PGR: variants seen among roughly 807,000 people sequenced by gnomAD.
The protein encoded by PGR is nuclear receptor subfamily 3 group C member 3.
A neutral mutation model predicts 76.1 loss-of-function variants in PGR; 25 were observed. The observed-to-expected ratio is 0.33, with a 90% CI of 0.24 to 0.46. The LOEUF (loss-of-function observed/expected upper bound fraction) is 0.46. Among genes scored for constraint, PGR ranks in the 20% least tolerant of loss-of-function variants. The pLI, the probability that PGR is intolerant of heterozygous loss-of-function variation, is 1.00. For missense variants in PGR, 1,172 were observed against 1,225.3 expected (o/e 0.96, Z 0.65); for synonymous variants, 579 against 535.0 (o/e 1.08, Z -1.14).
rs752049311 is a variant in PGR at position 101,034,705 on chromosome 11, T to A, written c.*4411A>T. ...AGTTTATTAATAAATAGGGATGTGA[T>A]CCAACCTGAACTCAATAATCTAGGC... On this transcript the variant is annotated 3_prime_UTR_variant, in exon 8 of 8. Transcript: ENST00000325455. 1.7e-5 allele frequency: 3 copies of A among 173,272 alleles called. No individual in the cohort carries two copies. Among genetic ancestry groups the A allele is most frequent in the Non-Finnish European group, 3.7e-5 (3 of 80,120 alleles). 10.7% of individuals were successfully genotyped at this position (173,272 alleles called of 1,614,324 possible).
chr11:101,066,626 C>T (rs1373010804), intron 3 of PGR, among the ~76,000 whole-genome samples: 1 of 152,048 alleles, frequency 6.6e-6, no homozygotes, highest in East Asian at 1.9e-4. Flanking sequence ...TTCTAACAGA[C>T]CCCTCAAATT....
chr11:101,058,436 A>C (rs1860370082), intron 4 of PGR, among the ~76,000 whole-genome samples: 1 of 152,172 alleles, frequency 6.6e-6, no homozygotes, highest in Non-Finnish European at 1.5e-5. Flanking sequence ...TGACTCACTG[A>C]CTCAAAAGTT....
intron 2 of PGR, among the ~76,000 whole-genome samples, chr11:101,119,387 T>C (rs138432054): frequency 4.7e-5 from 7 of 149,742 alleles, no homozygotes; most frequent in Non-Finnish European, 7.4e-5. Flanking sequence ...TGGAGTTACT[T>C]TGTTTTTTTT....
At position 101,126,005 on chromosome 11, in the gene PGR, A is replaced by AC; in HGVS notation, c.1789+1dup. On this transcript the variant is annotated splice_donor_variant, in intron 2 of 7. Coordinates refer to ENST00000325455, the MANE Select transcript of PGR (RefSeq NM_000926.4). LOFTEE classifies it high-confidence loss of function. ...ATAAAGGATCAGGGGAAAGGAGCCT[A>AC]CCTTCCATTGCCCTCTTAAAGAAGA... 6.2e-7 allele frequency: 1 copy of AC among 1,613,594 alleles called. No homozygotes were observed. Among genetic ancestry groups the AC allele is most frequent in the Non-Finnish European group, 8.5e-7 (1 of 1,179,534 alleles).
intron 3 of PGR, among the ~76,000 whole-genome samples, chr11:101,088,913 T>C (rs538262711): frequency 1.3e-5 from 2 of 152,302 alleles, no homozygotes; most frequent in South Asian, 2.1e-4. Flanking sequence ...GCCAAGACCC[T>C]AAGCAAATTA....
At chr11:101,095,514 T>C (rs796493202) in intron 2 of PGR, among the ~76,000 whole-genome samples, 26 of 152,364 alleles carry the variant, frequency 1.7e-4, no homozygotes, top group African/African-American at 5.8e-4. Context: ...AATATTCTCA[T>C]TTTATACAGA....
At chr11:101,120,579 G>A (rs887851593) in intron 2 of PGR, among the ~76,000 whole-genome samples, 3 of 151,988 alleles carry the variant, frequency 2.0e-5, no homozygotes, top group Admixed American at 6.6e-5. Flanking sequence ...GAACAATAGA[G>A]CTTCAAGTCA....
intron 3 of PGR, among the ~76,000 whole-genome samples, chr11:101,082,496 G>A (rs1861345328): frequency 6.6e-6 from 1 of 152,186 alleles, no homozygotes; most frequent in African/African-American, 2.4e-5. Context: ...GAATGGTTGT[G>A]ACCAAAATGC....
Position 101,057,759 on chromosome 11 carries a change from C to A in PGR, c.2212+4688G>T, listed in dbSNP as rs138433689. Among the ~76,000 whole-genome samples the A allele has an allele frequency of 1.1e-4, 16 of 152,104 alleles. No individual in the cohort carries two copies. In the East Asian group the frequency reaches 3.1e-3, roughly 29 times the overall value. On this transcript the variant is annotated intron_variant, in intron 4 of 7. Coordinates refer to ENST00000325455, the MANE Select transcript of PGR (RefSeq NM_000926.4). ...AGGAGAAACTGAGCCAAGGATGATACCAAAAATTCTTGCTGAGGTGCCATT... is the reference window on the plus strand; with the variant it reads ...AGGAGAAACTGAGCCAAGGATGATAACAAAAATTCTTGCTGAGGTGCCATT...
At chr11:101,064,417 A>AAACAAT (rs1329742835) in intron 3 of PGR, among the ~76,000 whole-genome samples, 1 of 151,688 alleles carries the variant, frequency 6.6e-6, no homozygotes, top group Non-Finnish European at 1.5e-5. Flanking sequence ...TGGGAAAACA[A>AAACAAT]AACAATTGCC....
chr11:101,075,812 G>A (rs1007914843), intron 3 of PGR, among the ~76,000 whole-genome samples: 1 of 152,096 alleles, frequency 6.6e-6, no homozygotes, highest in African/African-American at 2.4e-5. Context: ...AAAAACTCAG[G>A]AAACAATAGA....
At chr11:101,094,984 T>G (rs1332669719) in intron 2 of PGR, among the ~76,000 whole-genome samples, 2 of 152,178 alleles carry the variant, frequency 1.3e-5, no homozygotes, top group Non-Finnish European at 2.9e-5. Flanking sequence ...AGCAAGCTTT[T>G]ACCAGACATG....
At chr11:101,085,014 T>C (rs1036807760) in intron 3 of PGR, among the ~76,000 whole-genome samples, 2 of 152,154 alleles carry the variant, frequency 1.3e-5, no homozygotes, top group Non-Finnish European at 2.9e-5. Flanking sequence ...GGGGGACTGA[T>C]AGCATTAGAT....
chr11:101,088,234 T>C lies in PGR; in HGVS notation c.1906+3526A>G, dbSNP rs144497838. 1.3e-3 allele frequency among the ~76,000 whole-genome samples: 203 copies of C among 152,152 alleles called. 2 individuals are homozygous for C. In the East Asian group the frequency reaches 0.017, roughly 12 times the overall value. ...CTCAAAAAACTCAAAACCTAATAGA[T>C]GCTGGTGAGGCTGTGGAAAAAAGGG... On this transcript the variant is annotated intron_variant, in intron 3 of 7. Coordinates refer to ENST00000325455, the MANE Select transcript of PGR (RefSeq NM_000926.4).
At chr11:101,076,005 A>G (rs1413904558) in intron 3 of PGR, among the ~76,000 whole-genome samples, 1 of 152,238 alleles carries the variant, frequency 6.6e-6, no homozygotes, top group Non-Finnish European at 1.5e-5. Flanking sequence ...TGTACCATAA[A>G]GACACATGCA....
intron 7 of PGR, among the ~76,000 whole-genome samples, chr11:101,040,551 C>T (rs1039191042): frequency 5.3e-5 from 8 of 152,046 alleles, no homozygotes; most frequent in Non-Finnish European, 1.0e-4. Flanking sequence ...ATTTTCTTTT[C>T]CATCAAATTC....
At chr11:101,115,109 T>A (rs1156351109) in intron 2 of PGR, among the ~76,000 whole-genome samples, 1 of 152,146 alleles carries the variant, frequency 6.6e-6, no homozygotes, top group Non-Finnish European at 1.5e-5. Flanking sequence ...AAAACACAAA[T>A]AATTTATATA....
At chr11:101,092,647 A>C (rs927241934) in intron 2 of PGR, among the ~76,000 whole-genome samples, 1 of 152,226 alleles carries the variant, frequency 6.6e-6, no homozygotes, top group African/African-American at 2.4e-5. Context: ...TTAATATTCA[A>C]TAATGATTTT....
intron 2 of PGR, among the ~76,000 whole-genome samples, chr11:101,119,091 A>G (rs1862595339): frequency 6.6e-6 from 1 of 152,136 alleles, no homozygotes; most frequent in Non-Finnish European, 1.5e-5. Flanking sequence ...AGAATTCACA[A>G]TAGGGTTCTC....
Sources: allele counts gnomAD v4.1 joint callset (sites outside exome capture counted in the v4.1 genomes callset), GRCh38; gene constraint gnomAD v4.1.1; transcripts MANE v1.5; gene names NCBI Gene and HGNC (gene_info 2026-07-23, HGNC 2026-07-21).